The following RAB17 variants were observed in gnomAD, a reference collection of about 807,000 sequenced individuals.
RAB17 encodes ras-related protein Rab-17.
RAB17 carries 15 observed loss-of-function variants against 19.3 expected under a neutral mutation model. The ratio of observed to expected loss-of-function variants is 0.78; its 90% CI spans 0.52 to 1.20. The LOEUF is 1.20. Among genes scored for constraint, RAB17 ranks in the 50% most tolerant of loss-of-function variants. The pLI is 0.00. For missense variants in RAB17, 262 were observed against 269.3 expected (o/e 0.97, Z 0.19); for synonymous variants, 110 against 112.8 (o/e 0.97, Z 0.16).
intron 2 of RAB17, among the ~76,000 whole-genome samples, chr2:237,581,984 G>C (rs1401317420): frequency 6.6e-6 from 1 of 152,256 alleles, no homozygotes. Flanking sequence ...GCAGTCCATG[G>C]GGAGGTCCAG....
intron 2 of RAB17, among the ~76,000 whole-genome samples, chr2:237,579,953 G>A (rs943733509): frequency 9.2e-5 from 14 of 152,206 alleles, no homozygotes; most frequent in Admixed American, 2.6e-4. Flanking sequence ...CAGACAGTAG[G>A]ACCAGTGATT....
chr2:237,577,064 G>A (rs1420031975), intron 4 of RAB17, among the ~76,000 whole-genome samples, 193 bp downstream of exon 4: 1 of 152,096 alleles, frequency 6.6e-6, no homozygotes, highest in Non-Finnish European at 1.5e-5. Flanking sequence ...GTGTGTGGGT[G>A]CAAGTGAGAG....
chr2:237,575,215 C>T, intron 5 of RAB17, 87 bp from the exon 6 acceptor site: 1 of 1,188,460 alleles, frequency 8.4e-7, no homozygotes, highest in Non-Finnish European at 1.2e-6. Context: ...CCAGGACCCG[C>T]CCCTCCTGTG....
At chr2:237,577,124 T>G in intron 4 of RAB17, 133 bp downstream of exon 4, 1 of 1,060,978 alleles carries the variant, frequency 9.4e-7, no homozygotes, top group South Asian at 1.5e-5. Context: ...CGTGTAGAGG[T>G]GTGTGTGCAC....
chr2:237,574,327 T>G lies in RAB17; in HGVS notation c.*692A>C. 1 of 1,427,708 alleles carries G rather than the reference T, an allele frequency of 7.0e-7. No homozygotes were observed. Among genetic ancestry groups the G allele is most frequent in the Non-Finnish European group, 9.2e-7 (1 of 1,091,576 alleles). The allele number at this position is 1,427,708 out of a possible 1,614,324, so 88.4% of individuals were successfully genotyped here. On this transcript the variant is annotated 3_prime_UTR_variant, in exon 6 of 6. Transcript: ENST00000264601. ...CCTCAAAAACTTCTAAAAGCCAGAT[T>G]GTCAAAAGCAATTTAATTTTTGGAG...
intron 1 of RAB17, 146 bp from the exon 2 acceptor site, chr2:237,586,303 T>A: frequency 1.4e-6 from 1 of 707,786 alleles, no homozygotes. Context: ...TCCACACTCC[T>A]GCTTCCCTCT....
chr2:237,580,528 G>A (rs2081299938), intron 2 of RAB17, among the ~76,000 whole-genome samples: 1 of 151,852 alleles, frequency 6.6e-6, no homozygotes, highest in African/African-American at 2.4e-5. Context: ...ATCACTTGAG[G>A]TCGAGTTCAA....
chr2:237,578,215 G>A, intron 2 of RAB17, 60 bp from the exon 3 acceptor site: 1 of 1,532,682 alleles, frequency 6.5e-7, no homozygotes, highest in South Asian at 1.2e-5. Flanking sequence ...TGCGGCTCAG[G>A]TGGGACCACG....
At chr2:237,580,597 G>C (rs1471408515) in intron 2 of RAB17, among the ~76,000 whole-genome samples, 1 of 152,178 alleles carries the variant, frequency 6.6e-6, no homozygotes, top group Non-Finnish European at 1.5e-5. Context: ...AAATTAGCCA[G>C]GTGTGCTGGC....
chr2:237,575,702 G>A (rs2081257271), intron 4 of RAB17: 2 of 520,866 alleles, frequency 3.8e-6, no homozygotes, highest in Non-Finnish European at 3.4e-6. Context: ...CTGGCGGGGT[G>A]CGGCCTTCCT....
In RAB17 at chr2:237,586,129, TG is replaced by T. The variant is rs767669427; in HGVS notation, c.25del (p.Gln9SerfsTer32). On this transcript the variant is annotated frameshift_variant, in exon 2 of 6. Coordinates refer to ENST00000264601, the MANE Select transcript of RAB17 (RefSeq NM_022449.4). LOFTEE classifies it high-confidence loss of function. MAQAHRTPQPRAAPSQPRV... is the reference protein window; with the variant it reads MAQAHRTPXPRAAPSQPRV... ...GGGCTGGCTGGGGGCAGCCCTGGGC[TG>T]GGGGGTCCTGTGTGCCTGTGCCATG... 24 of 1,606,338 alleles carry T rather than the reference TG, an allele frequency of 1.5e-5. No homozygotes were observed. The highest frequency in any genetic ancestry group is 2.2e-5 in the South Asian group (2 of 89,948).
intron 2 of RAB17, 77 bp from the exon 3 acceptor site, chr2:237,578,232 C>T (rs1559395005): frequency 1.1e-5 from 16 of 1,460,104 alleles, no homozygotes; most frequent in South Asian, 4.0e-5. Flanking sequence ...CACGGCAAGC[C>T]GCAGGCACAG....
In RAB17 at chr2:237,577,975, G is replaced by A. The variant is rs563418665; in HGVS notation, c.309+29C>T. On this transcript the variant is annotated intron_variant, in intron 3 of 5. Coordinates refer to ENST00000264601, the MANE Select transcript of RAB17 (RefSeq NM_022449.4). ...CAGAAGGCAGGTGCTTGGGAAGGAG[G>A]GTGGGACGTGCCTCAAGGCGGGCCC... is the stretch of plus-strand genomic sequence containing the variant. The A allele has an allele frequency of 3.3e-5, 52 of 1,576,912 alleles. 2 individuals are homozygous for A. In the South Asian group the frequency reaches 5.4e-4, roughly 16 times the overall value.
rs75520021 is a variant in RAB17, at chr2:237,576,425, T to G, written c.435+832A>C. ...AGAGGGCACAGCTCTGCTGCCAGGA[T>G]CCTCTCTCCCCCACCCCAACTTGCA... On this transcript the variant is annotated intron_variant, in intron 4 of 5. Transcript: ENST00000264601. Among the ~76,000 whole-genome samples, 5 of 151,922 alleles carry G rather than the reference T, an allele frequency of 3.3e-5. No homozygotes were observed. The South Asian group carries it at 1.0e-3, about 32-fold the overall frequency.
At chr2:237,586,785 G>A (rs1655087145) in intron 1 of RAB17, among the ~76,000 whole-genome samples, 1 of 152,130 alleles carries the variant, frequency 6.6e-6, no homozygotes, top group African/African-American at 2.4e-5. Context: ...CACCACAATA[G>A]AGAGAACGGT....
chr2:237,584,713 C>A (rs529926945), intron 2 of RAB17, among the ~76,000 whole-genome samples: 11 of 152,200 alleles, frequency 7.2e-5, no homozygotes, highest in Admixed American at 2.0e-4. Flanking sequence ...GTACAAAGCT[C>A]TCAACATCCA....
chr2:237,578,178 G>A, intron 2 of RAB17, 23 bp from the exon 3 acceptor site: 1 of 1,591,042 alleles, frequency 6.3e-7, no homozygotes. Flanking sequence ...GGCCCAGAGG[G>A]CTTACTCAGA....
intron 1 of RAB17, among the ~76,000 whole-genome samples, chr2:237,589,211 A>G (rs868821404): frequency 2.0e-5 from 3 of 151,386 alleles, no homozygotes; most frequent in South Asian, 2.1e-4. Flanking sequence ...CAGAGCGAGA[A>G]TCTGTCTCCA....
At chr2:237,576,180 C>T (rs2081261355) in intron 4 of RAB17, among the ~76,000 whole-genome samples, 1 of 152,056 alleles carries the variant, frequency 6.6e-6, no homozygotes, top group Non-Finnish European at 1.5e-5. Context: ...CGGCCATGCC[C>T]CCAGCTCTCG....
Sources: allele counts gnomAD v4.1 joint callset (sites outside exome capture counted in the v4.1 genomes callset), GRCh38; gene constraint gnomAD v4.1.1; transcripts MANE v1.5; gene names NCBI Gene and HGNC (gene_info 2026-07-23, HGNC 2026-07-21).